The following LDLRAD4 variants were observed in gnomAD, a reference collection of about 807,000 sequenced individuals.
LDLRAD4 encodes low density lipoprotein receptor class A domain containing 4.
A neutral mutation model predicts 17.0 loss-of-function variants in LDLRAD4; 5 were observed. That is an observed-to-expected ratio of 0.29 (90% CI 0.15 to 0.62). The LOEUF (loss-of-function observed/expected upper bound fraction) is 0.62, where lower values mean the gene tolerates loss of function less well. Among genes scored for constraint, LDLRAD4 ranks in the 20% least tolerant of loss-of-function variants. The pLI is 0.84. For synonymous variants in LDLRAD4, 168 were observed against 171.8 expected, an observed-to-expected ratio of 0.98 and a Z score of 0.17; for missense variants, 340 against 424.7, an observed-to-expected ratio of 0.80 and a Z score of 1.75.
chr18:13,575,429 A>G (rs189553623), intron 3 of LDLRAD4, among the ~76,000 whole-genome samples: 4 of 152,354 alleles, frequency 2.6e-5, no homozygotes, highest in Admixed American at 2.6e-4. Context: ...GTAGTATTCC[A>G]TGGTGTATAT....
chr18:13,497,509 T>C (rs1417094550), intron 3 of LDLRAD4, among the ~76,000 whole-genome samples: 1 of 152,036 alleles, frequency 6.6e-6, no homozygotes, highest in Non-Finnish European at 1.5e-5. Flanking sequence ...TTTTTTTTTT[T>C]TCCTTCTTTT....
At chr18:13,449,856 TG>T (rs1479288128) in intron 3 of LDLRAD4, among the ~76,000 whole-genome samples, 1 of 152,206 alleles carries the variant, frequency 6.6e-6, no homozygotes, top group Non-Finnish European at 1.5e-5. Flanking sequence ...TCTCCCTGTC[TG>T]GGTTTGGGCA....
chr18:13,645,277 C>A lies in LDLRAD4; in HGVS notation c.541C>A (p.Pro181Thr). ...CTCCCTGTCCGACGGTGAAGAGCCA[C>A]CTCCTTACCAGGGGCCCTGCACCCT... Residue 181 changes from proline (P) to threonine (T), a missense_variant, in exon 6 of 6, where the codon CCT (proline) becomes ACT (threonine). Transcript: ENST00000359446. This position sits in a 1 kb window ranked among gnomAD's most constrained non-coding sequence, Gnocchi z 5.7. 1 of 1,614,226 alleles carries A rather than the reference C, an allele frequency of 6.2e-7. No homozygotes were observed. The highest frequency in any genetic ancestry group is 8.5e-7 in the Non-Finnish European group (1 of 1,180,040).
intron 1 of LDLRAD4, among the ~76,000 whole-genome samples, chr18:13,311,355 A>C (rs1235544460): frequency 1.1e-4 from 17 of 152,240 alleles, no homozygotes; most frequent in Non-Finnish European, 1.5e-5. Context: ...CTCATGTGAA[A>C]GAGTCTTTGT....
At chr18:13,544,299 A>G (rs1027860980) in intron 3 of LDLRAD4, among the ~76,000 whole-genome samples, 1 of 152,262 alleles carries the variant, frequency 6.6e-6, no homozygotes, top group East Asian at 1.9e-4. Flanking sequence ...TGGAGGCACA[A>G]CTGTTGATTA....
At chr18:13,261,193 C>T (rs1231473205) in intron 1 of LDLRAD4, among the ~76,000 whole-genome samples, 1 of 152,254 alleles carries the variant, frequency 6.6e-6, no homozygotes, top group East Asian at 1.9e-4. Flanking sequence ...CACATTAGTC[C>T]TGGCTCCAGG....
At chr18:13,546,516 G>A (rs529164258) in intron 3 of LDLRAD4, among the ~76,000 whole-genome samples, 208 of 152,108 alleles carry the variant, frequency 1.4e-3, no homozygotes, top group African/African-American at 4.7e-3. Context: ...CTACAGGTGT[G>A]CACCACCATG....
At chr18:13,583,360 G>C (rs75212857) in intron 3 of LDLRAD4, among the ~76,000 whole-genome samples, 1 of 152,108 alleles carries the variant, frequency 6.6e-6, no homozygotes, top group Non-Finnish European at 1.5e-5. Context: ...GACAGACTGG[G>C]GCGGCCTCCT....
In LDLRAD4 at chr18:13,284,403, C is replaced by CT. The variant is rs750463164; in HGVS notation, c.-383+6218dup. ...CCTGTGGAGTCATATGGGATAAATACTTTGACGCTTTGCTTTAAACTCAAA... is the reference window on the plus strand; with the variant it reads ...CCTGTGGAGTCATATGGGATAAATACTTTTGACGCTTTGCTTTAAACTCAAA... On this transcript the variant is annotated intron_variant, in intron 1 of 5. Coordinates refer to ENST00000359446, the Ensembl canonical transcript of LDLRAD4. Among the ~76,000 whole-genome samples, 3 of 152,154 alleles carry CT rather than the reference C, an allele frequency of 2.0e-5. No individual in the cohort carries two copies. In the East Asian group the frequency reaches 5.8e-4, roughly 29 times the overall value.
intron 3 of LDLRAD4, among the ~76,000 whole-genome samples, chr18:13,582,793 G>A (rs538471155): frequency 2.0e-5 from 3 of 152,330 alleles, no homozygotes; most frequent in Non-Finnish European, 4.4e-5. Flanking sequence ...GCTCACTGCA[G>A]CCTCGACCTC....
At chr18:13,597,914 A>G (rs1036007706) in intron 3 of LDLRAD4, among the ~76,000 whole-genome samples, 4 of 152,224 alleles carry the variant, frequency 2.6e-5, no homozygotes, top group Admixed American at 6.5e-5. Flanking sequence ...GTTTGATGCA[A>G]CAATGCCATT....
At chr18:13,322,290 C>CTTTTTTTTTTTTTTTTT (rs370707500) in intron 1 of LDLRAD4, among the ~76,000 whole-genome samples, 8 of 109,744 alleles carry the variant, frequency 7.3e-5, no homozygotes, top group East Asian at 2.9e-4. Flanking sequence ...ACTTTTCTCA[C>CTTTTTTTTTTTTTTTTT]TTTTTTTTTT....
chr18:13,451,273 G>T (rs2146382371), intron 3 of LDLRAD4, among the ~76,000 whole-genome samples: 1 of 152,332 alleles, frequency 6.6e-6, no homozygotes, highest in Non-Finnish European at 1.5e-5. Flanking sequence ...AGTGCTGGAG[G>T]TGGGGCCAGG....
chr18:13,586,007 T>C (rs868124858), intron 3 of LDLRAD4, among the ~76,000 whole-genome samples: 21 of 152,330 alleles, frequency 1.4e-4, no homozygotes, highest in Middle Eastern at 3.4e-3. Context: ...ACAAGCTAGC[T>C]AATGTCACAC....
chr18:13,358,018 G>A (rs953259553), intron 1 of LDLRAD4, among the ~76,000 whole-genome samples: 2 of 152,036 alleles, frequency 1.3e-5, no homozygotes, highest in African/African-American at 2.4e-5. Flanking sequence ...TCCTTTTGAC[G>A]TGGCCCTAGT....
chr18:13,470,663 GACCCTCTGGTCATGGC>G (rs2092743779), intron 3 of LDLRAD4: 1 of 150,902 alleles, frequency 6.6e-6, no homozygotes, highest in African/African-American at 2.4e-5. Context: ...GTGGATCGCT[GACCCTCTGGTCATGGC>G]ACTCCCGCCT....
chr18:13,226,350 G>A (rs559363373), intron 1 of LDLRAD4, among the ~76,000 whole-genome samples: 1 of 151,880 alleles, frequency 6.6e-6, no homozygotes, highest in South Asian at 2.1e-4. Flanking sequence ...TGTTTGGGTA[G>A]ATTCTTAAAA....
rs868013570 is a variant in LDLRAD4, at chr18:13,321,898, A to G, written c.-383+43710A>G. On this transcript the variant is annotated intron_variant, in intron 1 of 5. Transcript: ENST00000359446. ...AAAAAAAAAAAAAAAAAAAAAAAAA[A>G]AAAAGAAAAGAAAAAGAATAAAAAG... is the stretch of plus-strand genomic sequence containing the variant. 1.5e-3 allele frequency among the ~76,000 whole-genome samples: 141 copies of G among 96,062 alleles called. 3 individuals are homozygous for G. Among genetic ancestry groups the G allele is most frequent in the East Asian group, 4.2e-3 (12 of 2,868 alleles). The allele number at this position is 96,062 out of a possible 152,430, so 63.0% of individuals were successfully genotyped here. A position where few individuals can be genotyped will look rare whatever the true frequency, so the allele number is the denominator to read the frequency against.
rs1418658966 is a variant in LDLRAD4 at position 13,398,286 on chromosome 18, T to A, written c.40+10524T>A. ...TTTTCCATGTGTACCTTAGATAACC[T>A]CACTGGCGTTTGTCATTCTGCTTTT... On this transcript the variant is annotated intron_variant, in intron 2 of 5. Transcript: ENST00000359446. The surrounding 1 kb of genome is among the most constrained non-coding windows in gnomAD (Gnocchi z 4.8). 1.3e-5 allele frequency among the ~76,000 whole-genome samples: 2 copies of A among 152,270 alleles called. No individual in the cohort carries two copies. The highest frequency in any genetic ancestry group is 3.9e-4 in the East Asian group (2 of 5,184).
Sources: allele counts gnomAD v4.1 joint callset (sites outside exome capture counted in the v4.1 genomes callset), GRCh38; gene constraint gnomAD v4.1.1; non-coding constraint Gnocchi (gnomAD v3.1); transcripts MANE v1.5; gene names NCBI Gene and HGNC (gene_info 2026-07-23, HGNC 2026-07-21).